MMP26: variants seen among roughly 807,000 people sequenced by gnomAD.
The protein encoded by MMP26 is matrix metallopeptidase 26.
MMP26 carries 33 observed loss-of-function variants against 31.0 expected under a neutral mutation model. The observed-to-expected ratio is 1.06, with a 90% confidence interval of 0.81 to 1.42. The LOEUF (loss-of-function observed/expected upper bound fraction) is 1.42, where lower values mean the gene tolerates loss of function less well. Among genes scored for constraint, MMP26 ranks in the 40% most tolerant of loss-of-function variants. The probability of loss-of-function intolerance (pLI) is 0.00; values close to 1 mark genes in which losing one functional copy is unlikely to be tolerated. For synonymous variants in MMP26, 122 were observed against 114.9 expected (o/e 1.06, Z -0.40); for missense variants, 347 against 316.1 (o/e 1.10, Z -0.74).
chr11:4,975,479 T>A (rs1029565415), intron 2 of MMP26, among the ~76,000 whole-genome samples: 1 of 152,086 alleles, frequency 6.6e-6, no homozygotes, highest in Non-Finnish European at 1.5e-5. Context: ...ATTTATTCTA[T>A]CAGGGCTTGT....
intron 1 of MMP26, among the ~76,000 whole-genome samples, chr11:4,739,569 C>T (rs1848285254): frequency 1.3e-5 from 2 of 151,842 alleles, no homozygotes; most frequent in Admixed American, 1.3e-4. Flanking sequence ...TATGATGACT[C>T]CAACCACTTG....
Position 4,947,261 on chromosome 11 carries a change from G to C in MMP26, c.-144-40807G>C, listed in dbSNP as rs369415916. 2.4e-5 allele frequency: 10 copies of C among 425,046 alleles called. 2 individuals are homozygous for C. The highest frequency in any genetic ancestry group is 3.6e-5 in the Non-Finnish European group (9 of 247,128). The allele number at this position is 425,046 out of a possible 1,614,324, so 26.3% of individuals were successfully genotyped here. A position where few individuals can be genotyped will look rare whatever the true frequency, so the allele number is the denominator to read the frequency against. ...ATTTATGTGGCTATCATCATGAAGA[G>C]AGATGGTTGGTTGCTGCTTTGGACT... On this transcript the variant is annotated intron_variant, in intron 2 of 7. Coordinates refer to ENST00000380390, the MANE Select transcript of MMP26 (RefSeq NM_021801.5).
chr11:4,775,482 C>T (rs1848779170), intron 2 of MMP26, among the ~76,000 whole-genome samples: 1 of 152,114 alleles, frequency 6.6e-6, no homozygotes, highest in Non-Finnish European at 1.5e-5. Context: ...GATTTGACTG[C>T]TCAATGATAT....
intron 2 of MMP26, among the ~76,000 whole-genome samples, chr11:4,786,493 CTTTTTTTTTTTTTTTTT>C (rs66987352): frequency 1.7e-5 from 1 of 60,350 alleles, no homozygotes; most frequent in African/African-American, 6.8e-5. Flanking sequence ...TCTGCTGATC[CTTTTTTTTTTTTTTTTT>C]TTTTTTTTTT....
At chr11:4,929,809 T>C (rs1851321962) in intron 2 of MMP26, among the ~76,000 whole-genome samples, 1 of 152,158 alleles carries the variant, frequency 6.6e-6, no homozygotes, top group Non-Finnish European at 1.5e-5. Context: ...GCATTTTCTC[T>C]GTCAAGTTTT....
At chr11:4,986,521 T>A in intron 2 of MMP26, among the ~76,000 whole-genome samples, 2 of 104,240 alleles carry the variant, frequency 1.9e-5, no homozygotes, top group South Asian at 3.7e-4. Context: ...ATTTTTTTTT[T>A]TTTTTTTTTT....
chr11:4,796,367 T>G (rs1849108557), intron 2 of MMP26, among the ~76,000 whole-genome samples: 1 of 152,242 alleles, frequency 6.6e-6, no homozygotes, highest in Non-Finnish European at 1.5e-5. Context: ...CTCATTTGTA[T>G]CCTGTTCATG....
At chr11:4,856,812 A>C (rs1339277520) in intron 2 of MMP26, among the ~76,000 whole-genome samples, 1 of 152,216 alleles carries the variant, frequency 6.6e-6, no homozygotes, top group Non-Finnish European at 1.5e-5. Flanking sequence ...AATTGACCAC[A>C]TACTTGGAAG....
intron 2 of MMP26, among the ~76,000 whole-genome samples, chr11:4,824,575 G>T (rs538253843): frequency 1.4e-4 from 22 of 152,144 alleles, no homozygotes; most frequent in African/African-American, 4.3e-4. Context: ...ATTCTTTGTT[G>T]CCTCTGTGAA....
chr11:4,760,355 A>C (rs1034804395), intron 1 of MMP26, among the ~76,000 whole-genome samples: 3 of 152,196 alleles, frequency 2.0e-5, no homozygotes, highest in African/African-American at 4.8e-5. Flanking sequence ...TAGGAACAGC[A>C]TCTGTGGAAT....
At chr11:4,746,830 G>GTC (rs1284674670) in intron 1 of MMP26, among the ~76,000 whole-genome samples, 6 of 99,554 alleles carry the variant, frequency 6.0e-5, no homozygotes, top group East Asian at 2.7e-4. Flanking sequence ...GTAAGTCTCT[G>GTC]TCACACACAC....
intron 2 of MMP26, among the ~76,000 whole-genome samples, chr11:4,777,762 T>C (rs1258486725): frequency 6.6e-6 from 1 of 152,084 alleles, no homozygotes; most frequent in Non-Finnish European, 1.5e-5. Context: ...ACAGAGTGTG[T>C]ATAGTTATAG....
At chr11:4,897,945 AATATTAT>A (rs1850736684) in intron 2 of MMP26, among the ~76,000 whole-genome samples, 1 of 148,046 alleles carries the variant, frequency 6.8e-6, no homozygotes, top group South Asian at 2.1e-4. Context: ...TTAAATAATA[AATATTAT>A]ATATTATATA....
At chr11:4,959,450 A>G (rs1277303452) in intron 2 of MMP26, among the ~76,000 whole-genome samples, 1 of 152,020 alleles carries the variant, frequency 6.6e-6, no homozygotes, top group Admixed American at 6.6e-5. Flanking sequence ...AAAATCTTCC[A>G]AGTCAACTCT....
chr11:4,729,686 A>G (rs1162065315), intron 1 of MMP26, among the ~76,000 whole-genome samples: 2 of 152,142 alleles, frequency 1.3e-5, no homozygotes, highest in African/African-American at 4.8e-5. Flanking sequence ...CTATTCATCA[A>G]ATATATTTAA....
intron 2 of MMP26, among the ~76,000 whole-genome samples, chr11:4,793,480 G>A (rs931573903): frequency 6.6e-6 from 1 of 152,052 alleles, no homozygotes; most frequent in Non-Finnish European, 1.5e-5. Flanking sequence ...CCAGAATGTA[G>A]GATTATTCTA....
intron 2 of MMP26, among the ~76,000 whole-genome samples, chr11:4,841,762 G>A (rs1218071473): frequency 2.6e-5 from 4 of 152,042 alleles, no homozygotes; most frequent in East Asian, 1.9e-4. Flanking sequence ...GAGAAACCCC[G>A]TCTCTACTAA....
intron 1 of MMP26, among the ~76,000 whole-genome samples, chr11:4,746,032 G>T (rs992445680): frequency 5.9e-5 from 9 of 152,144 alleles, no homozygotes; most frequent in African/African-American, 2.2e-4. Flanking sequence ...GTTTGGCCTT[G>T]TACTATAGTT....
intron 2 of MMP26, chr11:4,769,190 C>G (rs761065326): frequency 6.2e-7 from 1 of 1,614,112 alleles, no homozygotes. Flanking sequence ...ATGGGAGACA[C>G]AGGTGCTGAA....
Sources: gnomAD v4.1 joint callset for allele counts (sites outside exome capture counted in the v4.1 genomes callset) on GRCh38, gnomAD v4.1.1 for gene constraint, MANE v1.5 for transcripts, NCBI Gene and HGNC (gene_info 2026-07-23, HGNC 2026-07-21) for gene names.